ADK: variants seen among roughly 807,000 people sequenced by gnomAD.
ADK encodes the protein adenosine kinase.
In ADK, 24 loss-of-function variants were observed where a neutral mutation model predicts 44.7. The ratio of observed to expected loss-of-function variants is 0.54; its 90% CI spans 0.39 to 0.76. The LOEUF (loss-of-function observed/expected upper bound fraction) is 0.76, where lower values mean the gene tolerates loss of function less well. Ranked by LOEUF, ADK falls within the 30% of genes least tolerant of loss-of-function variation. The pLI is 0.00. For missense variants in ADK, 321 were observed against 425.1 expected (o/e 0.76, Z 2.15); for synonymous variants, 128 against 142.6 (o/e 0.90, Z 0.73).
rs1425353800 is a variant in ADK at position 74,364,649 on chromosome 10, T to TTTTCC, written c.274-29478_274-29474dup. Among the ~76,000 whole-genome samples the TTTTCC allele has an allele frequency of 8.5e-5, 13 of 152,056 alleles. No homozygotes were observed. In the East Asian group the frequency reaches 2.5e-3, roughly 29 times the overall value. On this transcript the variant is annotated intron_variant, in intron 4 of 10. Transcript: ENST00000539909. Reference sequence around the variant, plus strand: ...TCCTACTCTTACAGCTCTTCTAATGTTTTCCTTTCCTTTCCTTTATCTTTA... The same window carrying TTTTCC: ...TCCTACTCTTACAGCTCTTCTAATGTTTTCCTTTCCTTTCCTTTCCTTTATCTTTA...
At chr10:74,547,436 ATATATATATATTTATT>A (rs1363885182) in intron 7 of ADK, among the ~76,000 whole-genome samples, 36 of 64,990 alleles carry the variant, frequency 5.5e-4, no homozygotes, top group Non-Finnish European at 1.1e-3. Flanking sequence ...CACTTTATAT[ATATATATATATTTATT>A]TATTTATTTA....
intron 7 of ADK, among the ~76,000 whole-genome samples, chr10:74,526,560 A>G (rs145211277): frequency 0.016 from 2,466 of 152,284 alleles, 34 homozygotes; most frequent in Non-Finnish European, 0.028. Context: ...CATCAATTTT[A>G]TATCTAATAA....
At chr10:74,155,347 G>A (rs1041086174) in intron 1 of ADK, among the ~76,000 whole-genome samples, 10 of 152,012 alleles carry the variant, frequency 6.6e-5, no homozygotes, top group Admixed American at 5.2e-4. Context: ...AAACTAGCTG[G>A]ACATGGTGGC....
At chr10:74,416,031 T>C (rs201876798) in intron 6 of ADK, among the ~76,000 whole-genome samples, 6 of 82,804 alleles carry the variant, frequency 7.2e-5, no homozygotes, top group Admixed American at 2.7e-4. Context: ...CACATACATA[T>C]ATACACACAC....
At chr10:74,540,081 T>C (rs1849573786) in intron 7 of ADK, among the ~76,000 whole-genome samples, 1 of 152,212 alleles carries the variant, frequency 6.6e-6, no homozygotes, top group Admixed American at 6.5e-5. Flanking sequence ...ATGAAATGCT[T>C]TTAAATCATC....
chr10:74,602,751 CA>C (rs1852187462), intron 9 of ADK, among the ~76,000 whole-genome samples: 1 of 152,166 alleles, frequency 6.6e-6, no homozygotes, highest in African/African-American at 2.4e-5. Context: ...GTGTCAGCTA[CA>C]AAAGCAAACA....
chr10:74,334,815 C>T (rs1390805454), intron 4 of ADK, among the ~76,000 whole-genome samples: 3 of 152,038 alleles, frequency 2.0e-5, no homozygotes, highest in African/African-American at 2.4e-5. Flanking sequence ...CTTTTATAGT[C>T]TCTGAGGGGA....
chr10:74,655,655 A>G (rs1435720167), intron 9 of ADK: 8 of 450,434 alleles, frequency 1.8e-5, no homozygotes, highest in African/African-American at 1.2e-4. Context: ...CAGAGCAGCC[A>G]GGAAGACCCC....
chr10:74,344,471 T>TTGTTAA (rs1440499423), intron 4 of ADK: 1 of 194,592 alleles, frequency 5.1e-6, no homozygotes, highest in Non-Finnish European at 1.1e-5. Flanking sequence ...AGGTGGCACC[T>TTGTTAA]GCTTTCAGGG....
chr10:74,405,358 G>A (rs950989092), intron 6 of ADK, among the ~76,000 whole-genome samples: 6 of 150,900 alleles, frequency 4.0e-5, no homozygotes, highest in Non-Finnish European at 5.9e-5. Flanking sequence ...TCACATCAGC[G>A]GAGGATTCTT....
chr10:74,229,160 A>G (rs1288413149), intron 3 of ADK, among the ~76,000 whole-genome samples: 1 of 152,196 alleles, frequency 6.6e-6, no homozygotes, highest in African/African-American at 2.4e-5. Context: ...TGATATTTAA[A>G]TGCTTGCCAA....
At chr10:74,203,089 A>G (rs539219290) in intron 2 of ADK, among the ~76,000 whole-genome samples, 2 of 152,322 alleles carry the variant, frequency 1.3e-5, no homozygotes, top group South Asian at 4.1e-4. Flanking sequence ...AAGGTCTTAG[A>G]TTTAGGCATT....
chr10:74,283,640 T>C (rs1847036013), intron 3 of ADK, among the ~76,000 whole-genome samples: 1 of 150,624 alleles, frequency 6.6e-6, no homozygotes, highest in South Asian at 2.1e-4. Context: ...TCATCTTTTT[T>C]TTTTTTTTAA....
intron 3 of ADK, among the ~76,000 whole-genome samples, chr10:74,252,686 T>C (rs183256541): frequency 4.7e-4 from 71 of 152,294 alleles, no homozygotes; most frequent in African/African-American, 1.7e-3. Flanking sequence ...AGTGTTCAGA[T>C]TAGGTTAGGA....
Position 74,303,589 on chromosome 10 carries a change from T to TTTTTTTTTTTTG in ADK, c.195-11067_195-11066insGTTTTTTTTTTT, listed in dbSNP as rs1564643302. Among the ~76,000 whole-genome samples the TTTTTTTTTTTTG allele has an allele frequency of 1.9e-3, 177 of 94,258 alleles. 12 individuals are homozygous for TTTTTTTTTTTTG. The highest frequency in any genetic ancestry group is 7.6e-3 in the African/African-American group (167 of 21,928). The allele number at this position is 94,258 out of a possible 152,430, so 61.8% of individuals were successfully genotyped here. ...ACTTTTCATATTGGTTTTAATGTTG[T>TTTTTTTTTTTTG]TTTTTTTTTTTTTTTTTTTTTTTTT... On this transcript the variant is annotated intron_variant, in intron 3 of 10. Transcript: ENST00000539909.
At chr10:74,267,753 T>TG (rs1491103685) in intron 3 of ADK, among the ~76,000 whole-genome samples, 134 of 128,798 alleles carry the variant, frequency 1.0e-3, no homozygotes, top group African/African-American at 3.6e-3. Context: ...TATATCCTTA[T>TG]TTGTGTGTGT....
intron 7 of ADK, among the ~76,000 whole-genome samples, chr10:74,576,990 C>A (rs1272445917): frequency 6.6e-6 from 1 of 152,052 alleles, no homozygotes; most frequent in Middle Eastern, 3.2e-3. Flanking sequence ...ATGAACTTTG[C>A]AGAAGTATTC....
At chr10:74,325,931 A>C (rs568177429) in intron 4 of ADK, among the ~76,000 whole-genome samples, 1 of 151,362 alleles carries the variant, frequency 6.6e-6, no homozygotes, top group Non-Finnish European at 1.5e-5. Flanking sequence ...TACCTCCTGG[A>C]TTCAAGTGAT....
At position 74,316,726 on chromosome 10, in the gene ADK, G is replaced by A. The variant is rs113474811; in HGVS notation, c.273+1981G>A. 5.2e-3 allele frequency among the ~76,000 whole-genome samples: 794 copies of A among 152,204 alleles called. 11 individuals carry two copies. The highest frequency in any genetic ancestry group is 0.017 in the African/African-American group (718 of 41,530). ...AGTAGTGTGAAAATGAACTAATACC[G>A]GGAGGCTATTAGCTGTTCACTAATA... On this transcript the variant is annotated intron_variant, in intron 4 of 10. Transcript: ENST00000539909.
Sources: gnomAD v4.1 joint callset for allele counts (sites outside exome capture counted in the v4.1 genomes callset) on GRCh38, gnomAD v4.1.1 for gene constraint, MANE v1.5 for transcripts, NCBI Gene and HGNC (gene_info 2026-07-23, HGNC 2026-07-21) for gene names.